Variants in PLCB1 observed in about 807,000 individuals in gnomAD.
PLCB1 encodes phospholipase C beta 1.
A neutral mutation model predicts 161.8 loss-of-function variants in PLCB1; 46 were observed. That is an observed-to-expected ratio of 0.28 (90% CI 0.22 to 0.36). The LOEUF (loss-of-function observed/expected upper bound fraction) is 0.36. Ranked by LOEUF, PLCB1 falls within the 10% of genes least tolerant of loss-of-function variation. PLCB1 has a pLI of 1.00. For synonymous variants in PLCB1, 517 were observed against 503.7 expected (o/e 1.03, Z -0.35); for missense variants, 1,016 against 1,472.5 (o/e 0.69, Z 5.07).
At chr20:8,307,101 G>A (rs1277354577) in intron 2 of PLCB1, among the ~76,000 whole-genome samples, 1 of 152,188 alleles carries the variant, frequency 6.6e-6, no homozygotes, top group Non-Finnish European at 1.5e-5. Flanking sequence ...CTGGCATCCT[G>A]CATAGTCTTT....
intron 31 of PLCB1, among the ~76,000 whole-genome samples, chr20:8,843,740 G>A (rs1456548977): frequency 6.6e-6 from 1 of 152,112 alleles, no homozygotes; most frequent in Admixed American, 6.5e-5. Flanking sequence ...GAGTCCATGT[G>A]TTTGAATAGA....
chr20:8,364,059 T>C (rs1986627547), intron 2 of PLCB1, among the ~76,000 whole-genome samples: 1 of 152,168 alleles, frequency 6.6e-6, no homozygotes, highest in Non-Finnish European at 1.5e-5. Flanking sequence ...TAATAATTTC[T>C]CAGTTTTTAT....
intron 31 of PLCB1, among the ~76,000 whole-genome samples, chr20:8,877,371 G>A (rs73089676): frequency 0.026 from 3,913 of 152,282 alleles, 77 homozygotes; most frequent in Middle Eastern, 0.075. Flanking sequence ...TTCTCCATGA[G>A]CCCAGTGGGG....
At chr20:8,668,196 C>T (rs561477076) in intron 9 of PLCB1, among the ~76,000 whole-genome samples, 20 of 151,614 alleles carry the variant, frequency 1.3e-4, no homozygotes, top group African/African-American at 4.6e-4. Context: ...ATGGACCTTC[C>T]ACCCTAACCC....
intron 31 of PLCB1, among the ~76,000 whole-genome samples, chr20:8,840,437 T>C (rs759782962): frequency 1.6e-4 from 24 of 152,186 alleles, no homozygotes; most frequent in Non-Finnish European, 3.5e-4. Context: ...GTGAGTGCTC[T>C]GAGGAAGCTA....
intron 3 of PLCB1, among the ~76,000 whole-genome samples, chr20:8,571,914 A>T (rs529194326): frequency 6.6e-6 from 1 of 152,202 alleles, no homozygotes; most frequent in African/African-American, 2.4e-5. Flanking sequence ...CCAAAAAGCA[A>T]TGGGGGAAGT....
intron 31 of PLCB1, among the ~76,000 whole-genome samples, chr20:8,803,919 G>C (rs569873226): frequency 6.6e-6 from 1 of 151,882 alleles, no homozygotes; most frequent in Non-Finnish European, 1.5e-5. Flanking sequence ...TCAGCCTCCC[G>C]AGTAGCTGGG....
At chr20:8,365,950 G>C (rs1986697426) in intron 2 of PLCB1, among the ~76,000 whole-genome samples, 1 of 152,058 alleles carries the variant, frequency 6.6e-6, no homozygotes, top group African/African-American at 2.4e-5. Flanking sequence ...GTTTTAAACT[G>C]TATTTCCTCC....
At chr20:8,498,635 C>T (rs1983278718) in intron 3 of PLCB1, among the ~76,000 whole-genome samples, 1 of 152,096 alleles carries the variant, frequency 6.6e-6, no homozygotes, top group African/African-American at 2.4e-5. Context: ...ACATGTGATG[C>T]CATAATAGTG....
chr20:8,419,536 C>T (rs1051104312), intron 3 of PLCB1, among the ~76,000 whole-genome samples: 16 of 152,104 alleles, frequency 1.1e-4, no homozygotes, highest in East Asian at 5.8e-4. Context: ...CAATAAGTTG[C>T]GAGAGATATT....
chr20:8,141,587 A>C (rs2051403782), intron 1 of PLCB1, among the ~76,000 whole-genome samples: 1 of 147,788 alleles, frequency 6.8e-6, no homozygotes, highest in Non-Finnish European at 1.5e-5. Flanking sequence ...AGATCGCGCC[A>C]CTGCATTCCA....
At chr20:8,744,072 G>A (rs1477786545) in intron 23 of PLCB1, among the ~76,000 whole-genome samples, 1 of 151,974 alleles carries the variant, frequency 6.6e-6, no homozygotes, top group Non-Finnish European at 1.5e-5. Flanking sequence ...TAGGTACAAT[G>A]CATATTACCT....
chr20:8,444,410 G>T (rs1452834609), intron 3 of PLCB1, among the ~76,000 whole-genome samples: 1 of 152,142 alleles, frequency 6.6e-6, no homozygotes, highest in East Asian at 1.9e-4. Flanking sequence ...AGTATTCCAT[G>T]GTGTATATGT....
chr20:8,303,107 A>G (rs1391307834), intron 2 of PLCB1, among the ~76,000 whole-genome samples: 1 of 152,212 alleles, frequency 6.6e-6, no homozygotes, highest in Admixed American at 6.5e-5. Context: ...AATTGATTCC[A>G]TATTATATAT....
intron 19 of PLCB1, among the ~76,000 whole-genome samples, chr20:8,734,936 C>A (rs1040982003): frequency 6.6e-5 from 10 of 152,148 alleles, no homozygotes; most frequent in African/African-American, 2.4e-4. Flanking sequence ...TACCTTAAAA[C>A]TTTCGTCACT....
At chr20:8,714,389 A>T (rs1177439444) in intron 12 of PLCB1, among the ~76,000 whole-genome samples, 7 of 152,176 alleles carry the variant, frequency 4.6e-5, no homozygotes, top group African/African-American at 1.7e-4. Context: ...ACTTCTTATC[A>T]GCAGCAGCCA....
intron 2 of PLCB1, among the ~76,000 whole-genome samples, chr20:8,366,624 G>A (rs1412247738): frequency 6.6e-6 from 1 of 152,164 alleles, no homozygotes; most frequent in Middle Eastern, 3.2e-3. Flanking sequence ...TATCCATGCT[G>A]TTAATTCATT....
intron 9 of PLCB1, among the ~76,000 whole-genome samples, chr20:8,671,025 A>G (rs919685229): frequency 2.6e-5 from 4 of 152,216 alleles, no homozygotes; most frequent in African/African-American, 9.7e-5. Context: ...AGATTGAGCA[A>G]TGATGAATGG....
intron 3 of PLCB1, among the ~76,000 whole-genome samples, chr20:8,569,264 G>C (rs1986431984): frequency 6.6e-6 from 1 of 152,182 alleles, no homozygotes; most frequent in Non-Finnish European, 1.5e-5. Flanking sequence ...GTGAAAAGCT[G>C]TCTCTAAAAT....
Sources: allele counts gnomAD v4.1 joint callset (sites outside exome capture counted in the v4.1 genomes callset), GRCh38; gene constraint gnomAD v4.1.1; transcripts MANE v1.5; gene names NCBI Gene and HGNC (gene_info 2026-07-23, HGNC 2026-07-21).